The following IL31RA variants were observed in gnomAD, a reference collection of about 807,000 sequenced individuals.
IL31RA encodes interleukin-31 receptor subunit alpha.
Under a neutral mutation model 83.7 loss-of-function variants are expected in IL31RA, and 66 were observed. The ratio of observed to expected loss-of-function variants is 0.79; its 90% CI spans 0.65 to 0.97. The LOEUF (loss-of-function observed/expected upper bound fraction) is 0.97. IL31RA is among the 50% of genes least tolerant of loss of function. The pLI is 0.00. For synonymous variants in IL31RA, 325 were observed against 329.0 expected (o/e 0.99, Z 0.13); for missense variants, 798 against 919.4 (o/e 0.87, Z 1.71).
In IL31RA at chr5:55,883,079, C is replaced by G. The variant is rs745679020; in HGVS notation, c.490C>G (p.Pro164Ala). 6.2e-7 allele frequency: 1 copy of G among 1,613,946 alleles called. No individual in the cohort carries two copies. Residue 164 changes from proline (P) to alanine (A), a missense_variant, in exon 5 of 15, where the codon CCA (proline) becomes GCA (alanine). Physicochemically the swap from Pro to Ala is conservative, Grantham distance 27. Transcript: ENST00000652347. ...TEPPKIFRVK[P>A]VLGIKRMIQI... ...ACCACCTAAGATTTTCCGTGTGAAA[C>G]CAGTTTTGGGCATCAAACGAATGAT...
In IL31RA at chr5:55,895,885, C is replaced by T. The variant is rs145485729; in HGVS notation, c.773-465C>T. 9.2e-3 allele frequency among the ~76,000 whole-genome samples: 1,400 copies of T among 152,198 alleles called. 21 individuals are homozygous for T. Among genetic ancestry groups the T allele is most frequent in the South Asian group, 0.048 (230 of 4,828 alleles). On this transcript the variant is annotated intron_variant, in intron 6 of 14. Transcript: ENST00000652347. ...GAAGCTTATTGTCTTATTCCTTTGT[C>T]ATTTAATTTTTTCTTTTATTTTATA...
At chr5:55,863,645 A>G (rs1745821965) in intron 2 of IL31RA, among the ~76,000 whole-genome samples, 1 of 152,248 alleles carries the variant, frequency 6.6e-6, no homozygotes, top group African/African-American at 2.4e-5. Flanking sequence ...TAACACCAAT[A>G]TCAAGAGAGC....
intron 4 of IL31RA, among the ~76,000 whole-genome samples, chr5:55,875,778 G>T (rs1224202655): frequency 1.3e-5 from 2 of 152,064 alleles, no homozygotes; most frequent in African/African-American, 2.4e-5. Flanking sequence ...CTTTCAACTA[G>T]ATTTAGTATC....
At chr5:55,895,341 A>C (rs1050977344) in intron 6 of IL31RA, among the ~76,000 whole-genome samples, 1 of 152,222 alleles carries the variant, frequency 6.6e-6, no homozygotes, top group Non-Finnish European at 1.5e-5. Context: ...TTGATATTTC[A>C]GGTGCATGTC....
chr5:55,854,670 G>A lies in IL31RA; in HGVS notation c.63+3037G>A, dbSNP rs576933791. On this transcript the variant is annotated intron_variant, in intron 1 of 14. Coordinates refer to ENST00000652347, the MANE Select transcript of IL31RA (RefSeq NM_139017.7). ...TGAGGCAGGAGAATCACTTGAACCC[G>A]CGAGGCAGAGGTTGCAGTGAACCGA... Among the ~76,000 whole-genome samples, 27 of 151,266 alleles carry A rather than the reference G, an allele frequency of 1.8e-4. No individual in the cohort carries two copies. In the South Asian group the frequency reaches 2.3e-3, roughly 13 times the overall value.
At chr5:55,847,756 C>G (rs902595864), upstream of IL31RA, among the ~76,000 whole-genome samples, 8 of 152,236 alleles carry the variant, frequency 5.3e-5, no homozygotes, top group African/African-American at 1.9e-4. Context: ...ACCAGTTTTT[C>G]CATTAATGTC....
At chr5:55,915,165 G>T (rs1451209541) in intron 14 of IL31RA, among the ~76,000 whole-genome samples, 2 of 152,180 alleles carry the variant, frequency 1.3e-5, no homozygotes, top group South Asian at 2.1e-4. Flanking sequence ...GACCCAGTGC[G>T]TTCCCAGGTG....
At chr5:55,864,846 C>T (rs1391646494) in intron 2 of IL31RA, among the ~76,000 whole-genome samples, 1 of 151,618 alleles carries the variant, frequency 6.6e-6, no homozygotes, top group Non-Finnish European at 1.5e-5. Context: ...ATACCACACA[C>T]ATCACACACA....
intron 2 of IL31RA, among the ~76,000 whole-genome samples, chr5:55,860,111 G>A (rs1745584910): frequency 6.6e-6 from 1 of 152,228 alleles, no homozygotes; most frequent in Admixed American, 6.5e-5. Context: ...GCTCATGCCT[G>A]TAATCCCAGC....
In IL31RA at chr5:55,921,497, C is replaced by T. The variant is rs2112613494; in HGVS notation, c.*4377C>T. 6.6e-6 allele frequency among the ~76,000 whole-genome samples: 1 copy of T among 152,306 alleles called. No individual in the cohort carries two copies. Among genetic ancestry groups the T allele is most frequent in the South Asian group, 2.1e-4 (1 of 4,830 alleles). On this transcript the variant is annotated 3_prime_UTR_variant, in exon 15 of 15. Coordinates refer to ENST00000652347, the MANE Select transcript of IL31RA (RefSeq NM_139017.7). ...ATCTTTTCTTACCTTTGTCCTGTCT[C>T]TTTGGGGCTGTTTTCAAAAGTGGAA...
chr5:55,908,206 G>T, intron 10 of IL31RA, 59 bp from the exon 11 acceptor site: 1 of 1,609,842 alleles, frequency 6.2e-7, no homozygotes, highest in Non-Finnish European at 8.5e-7. Context: ...GCCTTTGTGG[G>T]GGAACGATCT....
rs550823489 is a variant in IL31RA at position 55,855,493 on chromosome 5, G to T, written c.63+3860G>T. ...TGAATGTATGAATGAATGAACCAAA[G>T]GAAGGCAAGCCCTGGGAAAATCACG... On this transcript the variant is annotated intron_variant, in intron 1 of 14. Transcript: ENST00000652347. Among the ~76,000 whole-genome samples the T allele has an allele frequency of 3.3e-5, 5 of 152,230 alleles. No individual in the cohort carries two copies. The East Asian group carries it at 9.7e-4, about 29-fold the overall frequency.
At chr5:55,896,516 T>G in intron 7 of IL31RA, 87 bp downstream of exon 7, 1 of 725,748 alleles carries the variant, frequency 1.4e-6, no homozygotes, top group East Asian at 3.0e-5. Context: ...CTTCCATCCC[T>G]TCCATCCTCC....
intron 4 of IL31RA, among the ~76,000 whole-genome samples, chr5:55,881,715 GAT>G (rs1747245739): frequency 1.3e-5 from 1 of 77,468 alleles, no homozygotes; most frequent in African/African-American, 5.5e-5. Context: ...CAGTTCCTGA[GAT>G]TTTTTTTTTT....
intron 4 of IL31RA, among the ~76,000 whole-genome samples, chr5:55,880,134 T>G (rs978649848): frequency 1.6e-4 from 25 of 152,226 alleles, no homozygotes; most frequent in Non-Finnish European, 1.5e-5. Flanking sequence ...AAAAAAATAC[T>G]TATCAAGTGC....
At chr5:55,840,963 T>C in the IL31RA span, among the ~76,000 whole-genome samples, 1 of 152,210 alleles carries the variant, frequency 6.6e-6, no homozygotes, top group Non-Finnish European at 1.5e-5. Flanking sequence ...ACATAGTAGA[T>C]CCTATGTTTC....
At chr5:55,860,380 AT>A (rs60064311) in intron 2 of IL31RA, among the ~76,000 whole-genome samples, 145,730 of 148,224 alleles carry the variant, frequency 0.98, 71,633 homozygotes, top group South Asian at 1. Flanking sequence ...AAAAAAAAAA[AT>A]GTTATGTGAA....
At chr5:55,843,129 C>G in the IL31RA span, among the ~76,000 whole-genome samples, 1 of 152,130 alleles carries the variant, frequency 6.6e-6, no homozygotes, top group South Asian at 2.1e-4. Flanking sequence ...TAGCCATGGT[C>G]GATGCAGTTA....
At chr5:55,877,631 A>AT (rs918015540) in intron 4 of IL31RA, among the ~76,000 whole-genome samples, 2 of 151,904 alleles carry the variant, frequency 1.3e-5, no homozygotes, top group Admixed American at 6.6e-5. Flanking sequence ...TCAGTTGACA[A>AT]TTTTTTTTCT....
Sources: gnomAD v4.1 joint callset for allele counts (sites outside exome capture counted in the v4.1 genomes callset) on GRCh38, gnomAD v4.1.1 for gene constraint, MANE v1.5 for transcripts, NCBI Gene and HGNC (gene_info 2026-07-23, HGNC 2026-07-21) for gene names.